AGBL1: variants seen among roughly 807,000 people sequenced by gnomAD.
The protein encoded by AGBL1 is cytosolic carboxypeptidase 4.
Under a neutral mutation model 118.9 loss-of-function variants are expected in AGBL1, and 130 were observed. The ratio of observed to expected loss-of-function variants is 1.09; its 90% CI spans 0.95 to 1.26. AGBL1 has a LOEUF of 1.26. AGBL1 is among the 50% of genes most tolerant of loss of function. AGBL1 has a pLI of 0.00. For missense variants in AGBL1, 1,584 were observed against 1,298.1 expected (o/e 1.22, Z -3.38); for synonymous variants, 555 against 478.9 (o/e 1.16, Z -2.08).
At chr15:86,905,262 A>T (rs1332789695) in intron 22 of AGBL1, among the ~76,000 whole-genome samples, 1 of 152,210 alleles carries the variant, frequency 6.6e-6, no homozygotes, top group Admixed American at 6.5e-5. Context: ...ACTGTGCAGG[A>T]TGCAAGGCAG....
intron 23 of AGBL1, among the ~76,000 whole-genome samples, chr15:86,950,944 A>T (rs1391459569): frequency 6.6e-6 from 1 of 152,216 alleles, no homozygotes; most frequent in Non-Finnish European, 1.5e-5. Context: ...CTGAGAGTAG[A>T]GTGAGATAAA....
intron 22 of AGBL1, among the ~76,000 whole-genome samples, chr15:86,766,567 T>C (rs576899537): frequency 1.3e-5 from 2 of 152,084 alleles, no homozygotes; most frequent in African/African-American, 4.8e-5. Context: ...GATGGTCATA[T>C]AATTTTTTTT....
chr15:86,601,622 C>A (rs1192521087), intron 21 of AGBL1, among the ~76,000 whole-genome samples: 1 of 152,030 alleles, frequency 6.6e-6, no homozygotes, highest in East Asian at 1.9e-4. Context: ...TTCTGCCCAG[C>A]CAATTAAGAC....
intron 17 of AGBL1, among the ~76,000 whole-genome samples, chr15:86,334,604 A>G (rs1005897464): frequency 6.6e-6 from 1 of 152,228 alleles, no homozygotes; most frequent in Admixed American, 6.5e-5. Context: ...TATATTTTCT[A>G]TGCTATTCCT....
At chr15:86,997,892 CACACACACACACACACACA>C (rs2081394546) in intron 24 of AGBL1, among the ~76,000 whole-genome samples, 13 of 28,556 alleles carry the variant, frequency 4.6e-4, no homozygotes, top group African/African-American at 7.0e-4. Flanking sequence ...ATGTGGAAGA[CACACACACACACACACACA>C]CACACACACA....
At chr15:86,850,609 ATTC>A (rs2079395373) in intron 22 of AGBL1, among the ~76,000 whole-genome samples, 1 of 152,188 alleles carries the variant, frequency 6.6e-6, no homozygotes, top group Admixed American at 6.5e-5. Flanking sequence ...TCTGCCAAAC[ATTC>A]TTATTAACAC....
chr15:86,902,590 C>T (rs1475451040), intron 22 of AGBL1, among the ~76,000 whole-genome samples: 2 of 152,126 alleles, frequency 1.3e-5, no homozygotes, highest in South Asian at 2.1e-4. Flanking sequence ...TAGGGTAGAT[C>T]TGTTACCAAA....
In AGBL1 at chr15:86,747,101, T is replaced by A. The variant is rs528017756; in HGVS notation, c.3158+72665T>A. ...CCCCCGAGCATATGCACCCCAGGACTCTAGAGGGATCACTTTTGCCCTTCC... is the reference window on the plus strand; with the variant it reads ...CCCCCGAGCATATGCACCCCAGGACACTAGAGGGATCACTTTTGCCCTTCC... On this transcript the variant is annotated intron_variant, in intron 22 of 22. Coordinates refer to ENST00000614907, the MANE Select transcript of AGBL1 (RefSeq NM_001386094.1). Among the ~76,000 whole-genome samples the A allele has an allele frequency of 6.6e-5, 10 of 152,082 alleles. No homozygotes were observed. In the South Asian group the frequency reaches 1.7e-3, roughly 25 times the overall value.
chr15:86,119,597 T>C (rs959097502), intron 1 of AGBL1, among the ~76,000 whole-genome samples: 1 of 151,982 alleles, frequency 6.6e-6, no homozygotes, highest in Non-Finnish European at 1.5e-5. Context: ...AGGAACATGA[T>C]GGACCCCACA....
chr15:86,355,759 G>A (rs2080703481), intron 17 of AGBL1, among the ~76,000 whole-genome samples: 1 of 152,156 alleles, frequency 6.6e-6, no homozygotes, highest in Non-Finnish European at 1.5e-5. Context: ...AGGTGAAGGG[G>A]GGCATGAGGC....
chr15:86,252,368 C>G (rs372202526), intron 7 of AGBL1, among the ~76,000 whole-genome samples: 1 of 152,126 alleles, frequency 6.6e-6, no homozygotes, highest in Non-Finnish European at 1.5e-5. Context: ...ACTGGATACC[C>G]TAAAGGTCAG....
In AGBL1 at chr15:86,779,132, C is replaced by T. The variant is rs183517585; in HGVS notation, c.3158+104696C>T. On this transcript the variant is annotated intron_variant, in intron 22 of 22. Coordinates refer to ENST00000614907, the MANE Select transcript of AGBL1 (RefSeq NM_001386094.1). ...TTGACTCATCACCCTTCCTACGGAT[C>T]GTTCACTATTCTTATTATCACACAT... Among the ~76,000 whole-genome samples the T allele has an allele frequency of 9.0e-3, 1,371 of 152,208 alleles. 12 individuals are homozygous for T. Among genetic ancestry groups the T allele is most frequent in the Non-Finnish European group, 0.013 (879 of 68,020 alleles).
At position 86,827,119 on chromosome 15, in the gene AGBL1, G is replaced by A. The variant is rs2079022015; in HGVS notation, c.3159-79968G>A. 2.0e-5 allele frequency among the ~76,000 whole-genome samples: 3 copies of A among 150,322 alleles called. No individual in the cohort carries two copies. In the East Asian group the frequency reaches 6.0e-4, roughly 30 times the overall value. On this transcript the variant is annotated intron_variant, in intron 22 of 22. Coordinates refer to ENST00000614907, the MANE Select transcript of AGBL1 (RefSeq NM_001386094.1). The stretch of plus-strand genomic sequence containing the variant: ...GTGCTAGGATTACTATGTATGAGGA[G>A]CAGGAAATAACTAGACTATTTGAGG...
At chr15:86,875,923 G>T (rs1219718542) in intron 22 of AGBL1, among the ~76,000 whole-genome samples, 1 of 152,246 alleles carries the variant, frequency 6.6e-6, no homozygotes, top group Non-Finnish European at 1.5e-5. Flanking sequence ...TCAAGCATCA[G>T]GTAATCCATA....
intron 1 of AGBL1, among the ~76,000 whole-genome samples, chr15:86,127,888 G>C (rs749282022): frequency 5.9e-5 from 9 of 152,168 alleles, no homozygotes; most frequent in Non-Finnish European, 1.2e-4. Context: ...AGCCACAAGA[G>C]AGGAGTAACT....
At chr15:86,663,955 T>G (rs997782854) in intron 21 of AGBL1, among the ~76,000 whole-genome samples, 4 of 152,122 alleles carry the variant, frequency 2.6e-5, no homozygotes, top group African/African-American at 9.7e-5. Flanking sequence ...AACATGGAAA[T>G]GTAATCACAG....
chr15:86,743,332 G>T (rs1457260585), intron 22 of AGBL1, among the ~76,000 whole-genome samples: 1 of 152,042 alleles, frequency 6.6e-6, no homozygotes. Context: ...AGCCTAAGGG[G>T]GTTAAATGTT....
intron 24 of AGBL1, among the ~76,000 whole-genome samples, chr15:87,028,125 G>T (rs1277445408): frequency 6.6e-6 from 1 of 151,820 alleles, no homozygotes; most frequent in Non-Finnish European, 1.5e-5. Context: ...AATACCTTCT[G>T]TTTCAATATT....
intron 18 of AGBL1, among the ~76,000 whole-genome samples, chr15:86,483,335 A>G (rs911993756): frequency 1.3e-5 from 2 of 152,072 alleles, no homozygotes; most frequent in Non-Finnish European, 2.9e-5. Flanking sequence ...ACTGCAAAAG[A>G]GAGGGGCAGT....
Sources: gnomAD v4.1 joint callset for allele counts (sites outside exome capture counted in the v4.1 genomes callset) on GRCh38, gnomAD v4.1.1 for gene constraint, MANE v1.5 for transcripts, NCBI Gene and HGNC (gene_info 2026-07-23, HGNC 2026-07-21) for gene names.